SMAP2: variants seen among roughly 807,000 people sequenced by gnomAD.
The protein encoded by SMAP2 is small ArfGAP2, also known as stromal membrane-associated protein 2.
SMAP2 carries 25 observed loss-of-function variants against 56.4 expected under a neutral mutation model. The ratio of observed to expected loss-of-function variants is 0.44; its 90% CI spans 0.32 to 0.62. SMAP2 has a LOEUF of 0.62. Ranked by LOEUF, SMAP2 falls within the 20% of genes least tolerant of loss-of-function variation. The probability of loss-of-function intolerance (pLI) is 0.04; values close to 1 mark genes in which losing one functional copy is unlikely to be tolerated. For missense variants in SMAP2, 388 were observed against 545.6 expected (o/e 0.71, Z 2.88); for synonymous variants, 157 against 181.7 (o/e 0.86, Z 1.09).
At chr1:40,373,416 C>A (rs1308192873), upstream of SMAP2, among the ~76,000 whole-genome samples, 1 of 152,228 alleles carries the variant, frequency 6.6e-6, no homozygotes, top group African/African-American at 2.4e-5. Context: ...ATAGTTCATG[C>A]AAAGCGCTTA....
At position 40,374,520 on chromosome 1, in the gene SMAP2, C is replaced by T. The variant is rs1282545534; in HGVS notation, c.103+297C>T. On this transcript the variant is annotated intron_variant, in intron 1 of 9. Coordinates refer to ENST00000372718, the MANE Select transcript of SMAP2 (RefSeq NM_022733.3). The surrounding 1 kb of genome is among the most constrained non-coding windows in gnomAD (Gnocchi z 5.9). The stretch of plus-strand genomic sequence containing the variant: ...TTGAGGGCTCTGAATGAGTTCTGGG[C>T]CGGCTGTCCAGAGAGAGCTCCCAGC... 1.1e-5 allele frequency: 9 copies of T among 844,556 alleles called. No homozygotes were observed. Among genetic ancestry groups the T allele is most frequent in the Non-Finnish European group, 1.7e-5 (9 of 523,120 alleles). The allele number at this position is 844,556 out of a possible 1,614,324, so 52.3% of individuals were successfully genotyped here.
intron 1 of SMAP2, among the ~76,000 whole-genome samples, chr1:40,358,194 G>A (rs759113575): frequency 2.6e-5 from 4 of 152,038 alleles, no homozygotes; most frequent in Non-Finnish European, 4.4e-5. Context: ...TATTGTAAAT[G>A]GGATTACTTT....
intron 1 of SMAP2, among the ~76,000 whole-genome samples, chr1:40,400,185 C>G (rs2124312825): frequency 6.6e-6 from 1 of 151,890 alleles, no homozygotes; most frequent in East Asian, 1.9e-4. Flanking sequence ...TCCAGCAAGC[C>G]CTGAGGAAGG....
chr1:40,385,477 T>C lies in SMAP2; in HGVS notation c.103+11254T>C, dbSNP rs1177441553. Among the ~76,000 whole-genome samples, 1 of 152,194 alleles carries C rather than the reference T, an allele frequency of 6.6e-6. No individual in the cohort carries two copies. The highest frequency in any genetic ancestry group is 1.5e-5 in the Non-Finnish European group (1 of 68,032). On this transcript the variant is annotated intron_variant, in intron 1 of 9. Transcript: ENST00000372718. The surrounding 1 kb of genome is among the most constrained non-coding windows in gnomAD (Gnocchi z 4.5). ...AAAGAAATTTCTTAATCTGAAACAA[T>C]GAGAACTGGGTTCCTCAGGCCTCAT...
At chr1:40,361,589 G>A (rs990423128) in intron 1 of SMAP2, among the ~76,000 whole-genome samples, 1 of 152,150 alleles carries the variant, frequency 6.6e-6, no homozygotes, top group Non-Finnish European at 1.5e-5. Flanking sequence ...TGGGCCAGAG[G>A]GGAGCCCACT....
At position 40,422,795 on chromosome 1, in the gene SMAP2, C is replaced by G. The variant is rs1457817329; in HGVS notation, c.*694C>G. ...CCACACACAGACACACATCCCTTCC[C>G]GCCTCCCCCCTGCCTTCAGTAGGAT... On this transcript the variant is annotated 3_prime_UTR_variant, in exon 10 of 10. Transcript: ENST00000372718. The G allele has an allele frequency of 6.6e-6, 1 of 152,656 alleles. No individual in the cohort carries two copies. The highest frequency in any genetic ancestry group is 1.5e-5 in the Non-Finnish European group (1 of 68,450). 9.5% of individuals were successfully genotyped at this position (152,656 alleles called of 1,614,324 possible). A position where few individuals can be genotyped will look rare whatever the true frequency, so the allele number is the denominator to read the frequency against.
intron 1 of SMAP2, among the ~76,000 whole-genome samples, chr1:40,379,555 CTTTT>C (rs35398664): frequency 1.3e-5 from 1 of 78,108 alleles, no homozygotes. Context: ...TGTTGTCTCT[CTTTT>C]TTTTTTTTTT....
At chr1:40,357,582 A>G (rs1460497825) in intron 1 of SMAP2, among the ~76,000 whole-genome samples, 2 of 151,958 alleles carry the variant, frequency 1.3e-5, no homozygotes, top group Non-Finnish European at 2.9e-5. Flanking sequence ...TAAGTCTTAG[A>G]TCAAATTTTG....
Position 40,404,261 on chromosome 1 carries a change from T to C in SMAP2, c.104-2475T>C, listed in dbSNP as rs1047757120. Among the ~76,000 whole-genome samples the C allele has an allele frequency of 9.2e-5, 14 of 152,322 alleles. 1 individual carries two copies. Among genetic ancestry groups the C allele is most frequent in the East Asian group, 5.8e-4 (3 of 5,190 alleles). Reference sequence around the variant, plus strand: ...TCTAGTGGCTCAAAACTAAAAGAGATTGAGTATCTGGGATATAACTATCAC... The same window carrying C: ...TCTAGTGGCTCAAAACTAAAAGAGACTGAGTATCTGGGATATAACTATCAC... On this transcript the variant is annotated intron_variant, in intron 1 of 9. Transcript: ENST00000372718.
intron 1 of SMAP2, among the ~76,000 whole-genome samples, chr1:40,393,083 C>A (rs1644732739): frequency 7.3e-6 from 1 of 136,872 alleles, no homozygotes; most frequent in South Asian, 2.4e-4. Flanking sequence ...GCCTGGGTGA[C>A]AGAGCGTGAA....
At chr1:40,403,654 G>A (rs1175669542) in intron 1 of SMAP2, 37 of 984,552 alleles carry the variant, frequency 3.8e-5, no homozygotes, top group Non-Finnish European at 4.2e-5. Flanking sequence ...CTTATATATA[G>A]TCCTCAGTTA....
chr1:40,380,165 C>T (rs1030487231), intron 1 of SMAP2, among the ~76,000 whole-genome samples: 1 of 152,128 alleles, frequency 6.6e-6, no homozygotes, highest in Non-Finnish European at 1.5e-5. Context: ...ACTTTATTCC[C>T]TTTTAAGATA....
Position 40,385,101 on chromosome 1 carries a change from CG to C in SMAP2, c.103+10879del, listed in dbSNP as rs1319170265. The stretch of plus-strand genomic sequence containing the variant: ...TGCCTCAGCTGTGGCCATCCGTCAG[CG>C]TAAGGTTGCTCTGGTGGTCGTCTTC... On this transcript the variant is annotated intron_variant, in intron 1 of 9. Coordinates refer to ENST00000372718, the MANE Select transcript of SMAP2 (RefSeq NM_022733.3). The surrounding 1 kb of genome is among the most constrained non-coding windows in gnomAD (Gnocchi z 4.5). Among the ~76,000 whole-genome samples the C allele has an allele frequency of 6.6e-6, 1 of 152,124 alleles. No individual in the cohort carries two copies. The highest frequency in any genetic ancestry group is 2.4e-5 in the African/African-American group (1 of 41,424).
At chr1:40,402,560 C>T (rs575295265) in intron 1 of SMAP2, among the ~76,000 whole-genome samples, 72 of 152,132 alleles carry the variant, frequency 4.7e-4, no homozygotes, top group African/African-American at 1.6e-3. Context: ...AGCAATTCTC[C>T]TGCCTCAGCC....
intron 1 of SMAP2, among the ~76,000 whole-genome samples, chr1:40,352,700 A>T (rs1054070488): frequency 1.3e-5 from 2 of 151,726 alleles, no homozygotes; most frequent in African/African-American, 4.8e-5. Flanking sequence ...CTAATTTTTT[A>T]AAAAGTTTGT....
rs867584300 is a variant in SMAP2, at chr1:40,386,893, G to A, written c.103+12670G>A. ...TTTTGGAGACAAGGTCTCTCGCTCCGTCGCCCAAGCTGGAGTACAGTGGCA... is the reference window on the plus strand; with the variant it reads ...TTTTGGAGACAAGGTCTCTCGCTCCATCGCCCAAGCTGGAGTACAGTGGCA... On this transcript the variant is annotated intron_variant, in intron 1 of 9. Coordinates refer to ENST00000372718, the MANE Select transcript of SMAP2 (RefSeq NM_022733.3). The surrounding 1 kb of genome is among the most constrained non-coding windows in gnomAD (Gnocchi z 4.1). 2.2e-5 allele frequency among the ~76,000 whole-genome samples: 3 copies of A among 135,088 alleles called. No homozygotes were observed. The highest frequency in any genetic ancestry group is 1.5e-5 in the Non-Finnish European group (1 of 65,940). 88.6% of individuals were successfully genotyped at this position (135,088 alleles called of 152,430 possible).
intron 2 of SMAP2, chr1:40,364,677 GA>G: frequency 6.6e-6 from 1 of 151,546 alleles, no homozygotes; most frequent in African/African-American, 2.4e-5. Flanking sequence ...CTGGGAAGTC[GA>G]GGTTGCAGTG....
chr1:40,357,414 C>T (rs972344028), intron 1 of SMAP2, among the ~76,000 whole-genome samples: 2 of 151,728 alleles, frequency 1.3e-5, no homozygotes, highest in African/African-American at 4.8e-5. Flanking sequence ...GAGATCACAC[C>T]ACTGCACTCC....
rs1165288329 is a variant in SMAP2 at position 40,386,636 on chromosome 1, T to C, written c.103+12413T>C. ...TCATACATTTAAGGAAAAAAAGATT[T>C]GTTGCCATAGGAACAGACCAGTTGT... On this transcript the variant is annotated intron_variant, in intron 1 of 9. Transcript: ENST00000372718. The surrounding 1 kb of genome is among the most constrained non-coding windows in gnomAD (Gnocchi z 4.1). Among the ~76,000 whole-genome samples, 1 of 151,460 alleles carries C rather than the reference T, an allele frequency of 6.6e-6. No individual in the cohort carries two copies. The highest frequency in any genetic ancestry group is 2.5e-5 in the African/African-American group (1 of 40,722).
Sources: gnomAD v4.1 joint callset for allele counts (sites outside exome capture counted in the v4.1 genomes callset) on GRCh38, gnomAD v4.1.1 for gene constraint, Gnocchi (gnomAD v3.1) non-coding constraint, MANE v1.5 for transcripts, NCBI Gene and HGNC (gene_info 2026-07-23, HGNC 2026-07-21) for gene names.